PARD3: variants seen among roughly 807,000 people sequenced by gnomAD.
PARD3 encodes the protein par-3 family cell polarity regulator.
PARD3 carries 75 observed loss-of-function variants against 155.4 expected under a neutral mutation model. The ratio of observed to expected loss-of-function variants is 0.48; its 90% CI spans 0.40 to 0.58. The LOEUF is 0.58. PARD3 is among the 20% of genes least tolerant of loss of function. PARD3 has a pLI of 0.00. For synonymous variants in PARD3, 576 were observed against 610.5 expected (o/e 0.94, Z 0.83); for missense variants, 1,642 against 1,721.7 (o/e 0.95, Z 0.82).
intron 1 of PARD3, among the ~76,000 whole-genome samples, chr10:34,732,085 G>A (rs190065234): frequency 1.5e-3 from 233 of 152,120 alleles, no homozygotes; most frequent in African/African-American, 4.7e-3. Context: ...TTAAAAGGCC[G>A]GCTGCCAAAG....
intron 5 of PARD3, among the ~76,000 whole-genome samples, chr10:34,431,622 C>T (rs2132537800): frequency 6.6e-6 from 1 of 151,780 alleles, no homozygotes; most frequent in African/African-American, 2.4e-5. Flanking sequence ...TGCCTGTAAT[C>T]CCAGCTACTT....
intron 1 of PARD3, among the ~76,000 whole-genome samples, chr10:34,730,440 A>C (rs531577110): frequency 1.7e-4 from 26 of 152,314 alleles, no homozygotes; most frequent in African/African-American, 5.8e-4. Context: ...AATAATATAG[A>C]AATCAGGGGA....
In PARD3 at chr10:34,450,464, C is replaced by A. The variant is rs1226818001; in HGVS notation, c.583-16G>T. ...TTTCATCTTTCTATTCAAAAAGAAA[C>A]AAAAAGGTGTCTTGTAAAAAACCAG... is the stretch of plus-strand genomic sequence containing the variant. On this transcript the variant is annotated splice_polypyrimidine_tract_variant and intron_variant, in intron 4 of 24. Coordinates refer to ENST00000374788, the MANE Select transcript of PARD3 (RefSeq NM_001184785.2). The A allele has an allele frequency of 1.9e-6, 3 of 1,595,354 alleles. No homozygotes were observed. The highest frequency in any genetic ancestry group is 1.8e-5 in the Admixed American group (1 of 55,070).
intron 2 of PARD3, among the ~76,000 whole-genome samples, chr10:34,605,999 A>ATATCTATATCTCC (rs1172530108): frequency 6.3e-5 from 4 of 63,078 alleles, no homozygotes; most frequent in African/African-American, 2.3e-4. Flanking sequence ...TATATCTCCT[A>ATATCTATATCTCC]TATATATATA....
chr10:34,691,545 C>T (rs1019538377), intron 2 of PARD3, among the ~76,000 whole-genome samples: 11 of 152,110 alleles, frequency 7.2e-5, no homozygotes, highest in African/African-American at 2.7e-4. Flanking sequence ...TTCAATGCTA[C>T]CCCTATCAAA....
chr10:34,574,156 T>A (rs553651082), intron 2 of PARD3, among the ~76,000 whole-genome samples: 51 of 152,278 alleles, frequency 3.3e-4, no homozygotes, highest in South Asian at 1.2e-3. Flanking sequence ...TTATATTTTC[T>A]AAGAATTTTA....
Position 34,269,909 on chromosome 10 carries a change from CAGA to C in PARD3, c.3177-13_3177-11del, listed in dbSNP as rs1379167398. The C allele has an allele frequency of 6.2e-7, 1 of 1,612,286 alleles. No homozygotes were observed. The highest frequency in any genetic ancestry group is 8.5e-7 in the Non-Finnish European group (1 of 1,179,160). Reference sequence around the variant, plus strand: ...AGTTTTGGCTTGAATCCTATGAAATCAGAACAAAGTTGAAATAAGAGAAACCTT... The same window carrying C: ...AGTTTTGGCTTGAATCCTATGAAATCACAAAGTTGAAATAAGAGAAACCTT... On this transcript the variant is annotated splice_polypyrimidine_tract_variant and intron_variant, in intron 21 of 24. Transcript: ENST00000374788.
intron 2 of PARD3, among the ~76,000 whole-genome samples, chr10:34,523,984 C>A (rs2133721432): frequency 6.6e-6 from 1 of 152,188 alleles, no homozygotes; most frequent in East Asian, 1.9e-4. Flanking sequence ...ATTTGAGTTT[C>A]TGAATTCCCC....
chr10:34,719,075 T>C (rs2094565213), intron 1 of PARD3, among the ~76,000 whole-genome samples: 1 of 152,226 alleles, frequency 6.6e-6, no homozygotes, highest in East Asian at 1.9e-4. Flanking sequence ...TCCTTATTCA[T>C]CCTTTCTCCC....
intron 22 of PARD3, among the ~76,000 whole-genome samples, chr10:34,177,502 TAGACAA>T (rs1321465391): frequency 1.3e-5 from 2 of 152,226 alleles, no homozygotes; most frequent in Admixed American, 6.5e-5. Context: ...CCCTCTACCT[TAGACAA>T]AGTAATTAAG....
At chr10:34,338,449 C>T (rs1052823368) in intron 16 of PARD3, among the ~76,000 whole-genome samples, 5 of 152,316 alleles carry the variant, frequency 3.3e-5, no homozygotes, top group Non-Finnish European at 4.4e-5. Context: ...ATATCAGGTC[C>T]GGCCACCTTG....
chr10:34,129,900 G>A (rs1247854894), intron 23 of PARD3, among the ~76,000 whole-genome samples: 1 of 150,112 alleles, frequency 6.7e-6, no homozygotes, highest in African/African-American at 2.5e-5. Context: ...AAACTCCTGG[G>A]CTCGAGCAAT....
intron 22 of PARD3, among the ~76,000 whole-genome samples, chr10:34,245,993 A>G (rs1953927278): frequency 1.3e-5 from 2 of 152,234 alleles, no homozygotes; most frequent in African/African-American, 2.4e-5. Flanking sequence ...ACAGGGACAA[A>G]TGAACTCCCC....
intron 2 of PARD3, among the ~76,000 whole-genome samples, chr10:34,662,871 GAAAA>G (rs568672135): frequency 1.6e-5 from 2 of 123,632 alleles, no homozygotes. Flanking sequence ...AACTGTCTCA[GAAAA>G]AAAAAAAAAA....
intron 1 of PARD3, among the ~76,000 whole-genome samples, chr10:34,755,231 G>A (rs193170788): frequency 3.8e-4 from 57 of 150,100 alleles, no homozygotes; most frequent in Admixed American, 8.0e-4. Context: ...GTGAAACCCC[G>A]TCTCTACTAA....
At chr10:34,722,289 G>T (rs1435808049) in intron 1 of PARD3, among the ~76,000 whole-genome samples, 1 of 152,014 alleles carries the variant, frequency 6.6e-6, no homozygotes, top group African/African-American at 2.4e-5. Flanking sequence ...TATATAGATT[G>T]TCTAAACAGT....
chr10:34,319,113 G>A (rs1484357616), intron 19 of PARD3, among the ~76,000 whole-genome samples: 1 of 138,908 alleles, frequency 7.2e-6, no homozygotes, highest in Non-Finnish European at 1.5e-5. Context: ...TTCTTGAGAC[G>A]GAGTTTCACT....
chr10:34,326,588 G>C (rs1384538976), intron 19 of PARD3, among the ~76,000 whole-genome samples: 1 of 152,154 alleles, frequency 6.6e-6, no homozygotes, highest in Non-Finnish European at 1.5e-5. Flanking sequence ...TGCTGAAATA[G>C]GTGGTGATGA....
rs2089359561 is a variant in PARD3, at chr10:34,597,274, CG to C, written c.223-80116del. Among the ~76,000 whole-genome samples the C allele has an allele frequency of 3.3e-5, 5 of 151,556 alleles. No homozygotes were observed. The South Asian group carries it at 1.0e-3, about 32-fold the overall frequency. On this transcript the variant is annotated intron_variant, in intron 2 of 24. Coordinates refer to ENST00000374788, the MANE Select transcript of PARD3 (RefSeq NM_001184785.2). ...ACCTCCTCCTTTAGTATAATTTTAG[CG>C]CTTTTTTTTGTTTTTGTTTATATTT...
Sources: allele counts gnomAD v4.1 joint callset (sites outside exome capture counted in the v4.1 genomes callset), GRCh38; gene constraint gnomAD v4.1.1; transcripts MANE v1.5; gene names NCBI Gene and HGNC (gene_info 2026-07-23, HGNC 2026-07-21).